PLA2G4B: variants seen among roughly 807,000 people sequenced by gnomAD.
PLA2G4B encodes phospholipase A2 group IVB, also known as cytosolic phospholipase A2 beta.
In PLA2G4B, 122 loss-of-function variants were observed where a neutral mutation model predicts 95.8. The ratio of observed to expected loss-of-function variants is 1.27; its 90% CI spans 1.10 to 1.48. The LOEUF (loss-of-function observed/expected upper bound fraction) is 1.48, where lower values mean the gene tolerates loss of function less well. PLA2G4B is among the 40% of genes most tolerant of loss of function. The pLI, the probability that PLA2G4B is intolerant of heterozygous loss-of-function variation, is 0.00. For missense variants in PLA2G4B, 1,158 were observed against 996.2 expected (o/e 1.16, Z -2.19); for synonymous variants, 518 against 421.5 (o/e 1.23, Z -2.80).
intron 11 of PLA2G4B, among the ~76,000 whole-genome samples, chr15:41,844,231 C>G (rs527530289): frequency 6.6e-6 from 1 of 152,262 alleles, no homozygotes; most frequent in South Asian, 2.1e-4. Context: ...GGGCTGAGGG[C>G]AAGGAGATGA....
Position 41,842,199 on chromosome 15 carries a change from C to T in PLA2G4B, c.628C>T (p.Pro210Ser), listed in dbSNP as rs1472575391. 1 of 1,613,972 alleles carries T rather than the reference C, an allele frequency of 6.2e-7. No homozygotes were observed. Among genetic ancestry groups the T allele is most frequent in the Non-Finnish European group, 8.5e-7 (1 of 1,179,980 alleles). The change falls in exon 9 of 20, where the codon CCC becomes TCC. Residue 210 changes from proline (P) to serine (S), a missense_variant. Transcript: ENST00000458483. ...QELSIRLQDAPEEQLKAPLSA... is the reference protein window; with the variant it reads ...QELSIRLQDASEEQLKAPLSA... ...CATTCTTTGTCCCCTGCAGGATGCC[C>T]CCGAGGAGCAACTAAAGGCGCCACT...
At chr15:41,845,509 A>G in intron 14 of PLA2G4B, 129 bp from the exon 15 acceptor site, 2 of 1,498,204 alleles carry the variant, frequency 1.3e-6, no homozygotes, top group Non-Finnish European at 1.8e-6. Context: ...GGTCCTATGC[A>G]CGAAGCCCAG....
In PLA2G4B at chr15:41,845,749, C is replaced by CTGAG. The variant is rs2065530451; in HGVS notation, c.1471_1474dup (p.Ser492Ter). 6.2e-7 allele frequency: 1 copy of CTGAG among 1,608,506 alleles called. No homozygotes were observed. The highest frequency in any genetic ancestry group is 8.5e-7 in the Non-Finnish European group (1 of 1,177,162). On this transcript the variant is annotated frameshift_variant, in exon 15 of 20. Coordinates refer to ENST00000458483, the MANE Select transcript of PLA2G4B (RefSeq NM_001114633.2). LOFTEE classifies it high-confidence loss of function. Reference sequence around the variant, plus strand: ...ATGGGGCAGCTGATGAAGAGGCTTCCTGAGTCCCGCATCTGCTTCTTAGAA... The same window carrying CTGAG: ...ATGGGGCAGCTGATGAAGAGGCTTCCTGAGTGAGTCCCGCATCTGCTTCTTAGAA...
Position 41,846,730 on chromosome 15 carries a change from G to C in PLA2G4B, c.1842G>C (p.Leu614=), listed in dbSNP as rs150546402. ...CCTCGGAGCCCCACCTGTGCCTGCT[G>C]GATGTTGGCTACCTCATCAATACCA... ...LTPSEPHLCL[L]DVGYLINTSC... is the part of the protein sequence containing the mutation. Residue 614 remains leucine (L), a synonymous_variant, in exon 18 of 20, where the codon CTG becomes CTC. Coordinates refer to ENST00000458483, the MANE Select transcript of PLA2G4B (RefSeq NM_001114633.2). 9.5e-5 allele frequency: 153 copies of C among 1,613,840 alleles called. No homozygotes were observed. The highest frequency in any genetic ancestry group is 1.2e-4 in the Non-Finnish European group (138 of 1,179,952).
rs78020689 is a variant in PLA2G4B at position 41,841,387 on chromosome 15, T to A, written c.435+114T>A. The A allele has an allele frequency of 1.6e-4, 261 of 1,608,136 alleles. No individual in the cohort carries two copies. In the African/African-American group the frequency reaches 3.1e-3, roughly 19 times the overall value. ...AGCCTGGGGACCCTGGGATTTCAGT[T>A]TGTTAAGGGAATACAATCTCAAGGG... On this transcript the variant is annotated intron_variant, in intron 6 of 19. Transcript: ENST00000458483.
In PLA2G4B at chr15:41,841,826, G is replaced by A. The variant is rs747236867; in HGVS notation, c.498G>A (p.Glu166=). 6.2e-7 allele frequency: 1 copy of A among 1,613,474 alleles called. No homozygotes were observed. Among genetic ancestry groups the A allele is most frequent in the South Asian group, 1.1e-5 (1 of 90,908 alleles). The change falls in exon 8 of 20, where the codon GAG becomes GAA. Residue 166 remains glutamate, a synonymous_variant. Transcript: ENST00000458483. ...TCTGGTTCCTGTTTCCAGCCTCAGAGCACAGAGTTCAGCTTGTGGTTCCTG... is the reference window on the plus strand; with the variant it reads ...TCTGGTTCCTGTTTCCAGCCTCAGAACACAGAGTTCAGCTTGTGGTTCCTG... ...LEETGDQKSS[E]HRVQLVVPGS...
At position 41,847,634 on chromosome 15, in the gene PLA2G4B, G is replaced by A. The variant is rs1325214218; in HGVS notation, c.2135-15G>A. 2 of 1,613,424 alleles carry A rather than the reference G, an allele frequency of 1.2e-6. No homozygotes were observed. The highest frequency in any genetic ancestry group is 2.2e-5 in the East Asian group (1 of 44,898). On this transcript the variant is annotated splice_polypyrimidine_tract_variant and intron_variant, in intron 19 of 19. Transcript: ENST00000458483. ...CACAACGTGTTCCCCATGCCAGGCT[G>A]CACTCTCTCCACAGGGGTCCGGCGG...
intron 10 of PLA2G4B, among the ~76,000 whole-genome samples, 187 bp from the exon 11 acceptor site, chr15:41,843,489 A>G (rs369200137): frequency 3.3e-4 from 50 of 152,308 alleles, no homozygotes; most frequent in Admixed American, 1.4e-3. Context: ...GCTTTGCTGC[A>G]TTCCCAAGCA....
Position 41,842,584 on chromosome 15 carries a change from G to T in PLA2G4B, c.736G>T (p.Glu246Ter), listed in dbSNP as rs886070311. The T allele has an allele frequency of 1.2e-6, 2 of 1,607,274 alleles. No homozygotes were observed. Among genetic ancestry groups the T allele is most frequent in the African/African-American group, 2.7e-5 (2 of 74,400 alleles). Residue 246 changes from glutamate to a stop codon, truncating the protein, a stop_gained, in exon 10 of 20, where the codon GAA (glutamate) becomes TAA (stop). Transcript: ENST00000458483. LOFTEE classifies it high-confidence loss of function. ...CCTGATGAGAGTGGAGCTGAAAAAA[G>T]AAGCAGGGTGAGAGGCCTGGCTGGG... ...EPLMRVELKKEAGLRELAVRL... is the reference protein window; with the variant it reads ...EPLMRVELKK
Position 41,848,046 on chromosome 15 carries a change from T to G in PLA2G4B, c.*186T>G, listed in dbSNP as rs1337342054. 16 of 768,528 alleles carry G rather than the reference T, an allele frequency of 2.1e-5. No individual in the cohort carries two copies. The highest frequency in any genetic ancestry group is 3.1e-5 in the Non-Finnish European group (15 of 491,200). The allele number at this position is 768,528 out of a possible 1,614,324, so 47.6% of individuals were successfully genotyped here. A position where few individuals can be genotyped will look rare whatever the true frequency, so the allele number is the denominator to read the frequency against. On this transcript the variant is annotated 3_prime_UTR_variant, in exon 20 of 20. Coordinates refer to ENST00000458483, the MANE Select transcript of PLA2G4B (RefSeq NM_001114633.2). The stretch of plus-strand genomic sequence containing the variant: ...CAGTGGGGTAAGGAGGCCAAGCCCA[T>G]TTGTGTAATCACCCAAAACCCCCCG...
intron 1 of PLA2G4B, 34 bp from the exon 2 acceptor site, chr15:41,840,124 C>A: frequency 6.2e-7 from 1 of 1,608,174 alleles, no homozygotes; most frequent in Non-Finnish European, 8.5e-7. Context: ...GCTTCATCGG[C>A]CCGTAGCAGG....
At chr15:41,842,893 C>T (rs1027865112) in intron 10 of PLA2G4B, 3 of 385,392 alleles carry the variant, frequency 7.8e-6, no homozygotes, top group Non-Finnish European at 4.6e-6. Flanking sequence ...TGGTTTGGGG[C>T]GCAGAGAGGG....
rs748247336 is a variant in PLA2G4B at position 41,845,241 on chromosome 15, G to C, written c.1278G>C (p.Leu426=). ...DHKLSDQREA[L]SHGQNPLPIY... ...AGCTCTCAGATCAACGGGAGGCCCT[G>C]AGTCATGGCCAGAACCCTCTGCCCA... The change falls in exon 14 of 20, where the codon CTG becomes CTC. Residue 426 remains leucine, a synonymous_variant. Coordinates refer to ENST00000458483, the MANE Select transcript of PLA2G4B (RefSeq NM_001114633.2). The C allele has an allele frequency of 6.2e-7, 1 of 1,614,194 alleles. No individual in the cohort carries two copies. Among genetic ancestry groups the C allele is most frequent in the Non-Finnish European group, 8.5e-7 (1 of 1,180,018 alleles).
intron 3 of PLA2G4B, 43 bp downstream of exon 3, chr15:41,840,703 GCCA>G: frequency 1.2e-6 from 2 of 1,605,982 alleles, no homozygotes; most frequent in Non-Finnish European, 1.7e-6. Flanking sequence ...ATCCTCGCCA[GCCA>G]CTGCCGCTGC....
In PLA2G4B at chr15:41,846,257, G is replaced by C. The variant is rs770058261; in HGVS notation, c.1655G>C (p.Arg552Thr). The stretch of plus-strand genomic sequence containing the variant: ...GAAGAACCACCCTCAACAGCCGGCA[G>C]GATAGCTGAGTTTTTCACCGATCTT... ...KIEEPPSTAG[R>T]IAEFFTDLLT... is the part of the protein sequence containing the mutation. The change falls in exon 17 of 20, where the codon AGG becomes ACG. Residue 552 changes from arginine to threonine, a missense_variant. Arg to Thr is a moderately conservative substitution (Grantham distance 71, BLOSUM62 -1). Coordinates refer to ENST00000458483, the MANE Select transcript of PLA2G4B (RefSeq NM_001114633.2). The C allele has an allele frequency of 3.1e-6, 5 of 1,614,090 alleles. No individual in the cohort carries two copies. The South Asian group carries it at 4.4e-5, about 14-fold the overall frequency.
chr15:41,841,332 C>T (rs367984695), intron 6 of PLA2G4B, 59 bp downstream of exon 6: 161 of 1,610,906 alleles, frequency 1.0e-4, no homozygotes, highest in Non-Finnish European at 1.3e-4. Context: ...CTCATGCCAG[C>T]GACTTGAGGT....
In PLA2G4B at chr15:41,845,494, C is replaced by T; in HGVS notation, c.1358-144C>T. The T allele has an allele frequency of 5.5e-6, 8 of 1,467,306 alleles. No homozygotes were observed. In the South Asian group the frequency reaches 1.1e-4, roughly 20 times the overall value. The allele number at this position is 1,467,306 out of a possible 1,614,324, so 90.9% of individuals were successfully genotyped here. ...CAGCCCTTTGGGAAGGAGGCAGGGG[C>T]CTTAGGTCCTATGCACGAAGCCCAG... On this transcript the variant is annotated intron_variant, in intron 14 of 19. Coordinates refer to ENST00000458483, the MANE Select transcript of PLA2G4B (RefSeq NM_001114633.2).
intron 4 of PLA2G4B, 38 bp from the exon 5 acceptor site, chr15:41,841,014 CCTT>C (rs748912847): frequency 1.0e-4 from 157 of 1,568,780 alleles, no homozygotes; most frequent in Non-Finnish European, 1.3e-4. Flanking sequence ...TATGTGCACT[CCTT>C]CTGACCCTTT....
At chr15:41,842,686 G>A (rs2065456953) in intron 10 of PLA2G4B, 95 bp downstream of exon 10, 24 of 1,532,256 alleles carry the variant, frequency 1.6e-5, no homozygotes, top group Non-Finnish European at 2.1e-5. Context: ...AGAAACAGCC[G>A]CCCCTCATCC....
Sources: gnomAD v4.1 joint callset for allele counts (sites outside exome capture counted in the v4.1 genomes callset) on GRCh38, gnomAD v4.1.1 for gene constraint, MANE v1.5 for transcripts, NCBI Gene and HGNC (gene_info 2026-07-23, HGNC 2026-07-21) for gene names.